The following GPHN variants were observed in gnomAD, a reference collection of about 807,000 sequenced individuals.
GPHN encodes the protein gephyrin.
A neutral mutation model predicts 95.5 loss-of-function variants in GPHN; 17 were observed. The observed-to-expected ratio is 0.18, with a 90% CI of 0.12 to 0.27. The LOEUF is 0.27. Among genes scored for constraint, GPHN ranks in the 10% least tolerant of loss-of-function variants. The probability of loss-of-function intolerance (pLI) is 1.00; values close to 1 mark genes in which losing one functional copy is unlikely to be tolerated. For synonymous variants in GPHN, 320 were observed against 322.5 expected (o/e 0.99, Z 0.08); for missense variants, 660 against 978.1 (o/e 0.67, Z 4.34).
intron 9 of GPHN, among the ~76,000 whole-genome samples, chr14:66,972,221 T>C (rs2069841512): frequency 6.8e-6 from 1 of 147,704 alleles, no homozygotes; most frequent in African/African-American, 2.5e-5. Flanking sequence ...TGAGCCGAGA[T>C]TGCACCATTG....
At chr14:67,166,317 G>A (rs2082273464) in intron 20 of GPHN, among the ~76,000 whole-genome samples, 1 of 152,284 alleles carries the variant, frequency 6.6e-6, no homozygotes, top group East Asian at 1.9e-4. Flanking sequence ...GATAGCCATT[G>A]TATAAAGAAA....
At chr14:67,694,673 T>C in the GPHN span, among the ~76,000 whole-genome samples, 1 of 151,894 alleles carries the variant, frequency 6.6e-6, no homozygotes, top group Non-Finnish European at 1.5e-5. Flanking sequence ...CATGTGTGCC[T>C]AGAGGTGGGA....
chr14:67,229,640 T>A, the GPHN span, among the ~76,000 whole-genome samples: 6 of 152,292 alleles, frequency 3.9e-5, no homozygotes, highest in Non-Finnish European at 7.4e-5. Flanking sequence ...TACGCCAGAT[T>A]TGGAAGTCTT....
chr14:66,630,907 A>G (rs974868092), intron 1 of GPHN, among the ~76,000 whole-genome samples: 1 of 14,888 alleles, frequency 6.7e-5, no homozygotes, highest in Admixed American at 8.0e-4. Flanking sequence ...GACCTATTTA[A>G]TGTGTTTTTT....
At chr14:67,393,049 G>T in the GPHN span, 1 of 991,304 alleles carries the variant, frequency 1.0e-6, no homozygotes, top group Non-Finnish European at 1.6e-6. Flanking sequence ...TGCCCAGCAG[G>T]CAGCTCTGAC....
chr14:67,316,803 T>C, the GPHN span: 1 of 1,581,334 alleles, frequency 6.3e-7, no homozygotes, highest in Non-Finnish European at 8.6e-7. Context: ...CTTAAATATT[T>C]TACCCTTCTT....
the GPHN span, among the ~76,000 whole-genome samples, chr14:67,354,769 A>T: frequency 6.6e-6 from 1 of 152,168 alleles, no homozygotes; most frequent in African/African-American, 2.4e-5. Flanking sequence ...CTGGATGAAA[A>T]ATATGGATTT....
At chr14:67,640,903 C>CT in the GPHN span, among the ~76,000 whole-genome samples, 27 of 152,310 alleles carry the variant, frequency 1.8e-4, no homozygotes, top group South Asian at 1.0e-3. Context: ...ATCCAGAAAT[C>CT]CAAAATCGGA....
the GPHN span, among the ~76,000 whole-genome samples, chr14:67,462,307 T>C: frequency 6.6e-6 from 1 of 152,114 alleles, no homozygotes; most frequent in Admixed American, 6.5e-5. Context: ...GTATAGAGAA[T>C]GGGGAAAGGG....
At chr14:66,855,801 G>A (rs1267024804) in intron 4 of GPHN, among the ~76,000 whole-genome samples, 4 of 151,996 alleles carry the variant, frequency 2.6e-5, no homozygotes, top group African/African-American at 9.7e-5. Flanking sequence ...TGTATGTGGT[G>A]TGAGGTACGA....
chr14:66,839,460 C>A lies in GPHN; in HGVS notation c.294+14894C>A, dbSNP rs1413245486. Among the ~76,000 whole-genome samples, 3 of 152,208 alleles carry A rather than the reference C, an allele frequency of 2.0e-5. No individual in the cohort carries two copies. In the South Asian group the frequency reaches 6.2e-4, roughly 32 times the overall value. On this transcript the variant is annotated intron_variant, in intron 4 of 22. Transcript: ENST00000478722. ...TACGTGGAATAATCCTCAGGCTAAA[C>A]CTTTATGGAAAGAAAAGCTAGGTCA...
chr14:66,841,962 C>T (rs112204003), intron 4 of GPHN, among the ~76,000 whole-genome samples: 2 of 151,876 alleles, frequency 1.3e-5, no homozygotes, highest in African/African-American at 4.8e-5. Flanking sequence ...CTGAGGCAGG[C>T]GAATTGCTTG....
At chr14:66,861,817 C>T (rs1199291049) in intron 4 of GPHN, among the ~76,000 whole-genome samples, 1 of 151,782 alleles carries the variant, frequency 6.6e-6, no homozygotes, top group Non-Finnish European at 1.5e-5. Context: ...CCAAACATAC[C>T]AAAACATATG....
At chr14:67,342,740 T>A in the GPHN span, among the ~76,000 whole-genome samples, 1 of 151,002 alleles carries the variant, frequency 6.6e-6, no homozygotes. Context: ...TATACATAGT[T>A]AATATAATAG....
the GPHN span, among the ~76,000 whole-genome samples, chr14:67,421,466 T>G: frequency 1.3e-5 from 2 of 152,052 alleles, no homozygotes; most frequent in Non-Finnish European, 2.9e-5. Flanking sequence ...TGGGGTGACT[T>G]GTGGAGGCCA....
the GPHN span, chr14:67,382,491 C>G: frequency 6.2e-7 from 1 of 1,613,518 alleles, no homozygotes; most frequent in Non-Finnish European, 8.5e-7. Flanking sequence ...CTACGACAAC[C>G]CTGGAGAGAA....
intron 2 of GPHN, among the ~76,000 whole-genome samples, chr14:66,718,797 T>G (rs986570945): frequency 2.0e-5 from 3 of 152,308 alleles, no homozygotes; most frequent in Admixed American, 6.5e-5. Context: ...GAAGTCCAGC[T>G]GGCTTCACCT....
At chr14:66,633,856 A>G (rs921798620) in intron 1 of GPHN, among the ~76,000 whole-genome samples, 5 of 151,992 alleles carry the variant, frequency 3.3e-5, no homozygotes, top group Non-Finnish European at 7.4e-5. Flanking sequence ...ATTTAAATGT[A>G]TGACTTGAGA....
the GPHN span, among the ~76,000 whole-genome samples, chr14:67,464,842 G>A: frequency 1.3e-5 from 2 of 152,182 alleles, no homozygotes; most frequent in African/African-American, 2.4e-5. Context: ...TGGAGTGCCT[G>A]CTCTTCACCT....
Sources: gnomAD v4.1 joint callset for allele counts (sites outside exome capture counted in the v4.1 genomes callset) on GRCh38, gnomAD v4.1.1 for gene constraint, MANE v1.5 for transcripts, NCBI Gene and HGNC (gene_info 2026-07-23, HGNC 2026-07-21) for gene names.